The following SLC6A2 variants were observed in gnomAD, a reference collection of about 807,000 sequenced individuals.
The protein encoded by SLC6A2 is sodium-dependent noradrenaline transporter.
A neutral mutation model predicts 71.7 loss-of-function variants in SLC6A2; 26 were observed. That is an observed-to-expected ratio of 0.36 (90% CI 0.27 to 0.50). SLC6A2 has a LOEUF of 0.50. Among genes scored for constraint, SLC6A2 ranks in the 20% least tolerant of loss-of-function variants. SLC6A2 has a pLI of 0.96. For synonymous variants in SLC6A2, 363 were observed against 337.9 expected (o/e 1.07, Z -0.82); for missense variants, 581 against 803.9 (o/e 0.72, Z 3.35).
In SLC6A2 at chr16:55,677,264, G is replaced by A. The variant is rs554151149; in HGVS notation, c.644+5089G>A. ...CTGTCTTATGAACATGGTTTGGAGG[G>A]GAAGGTGGTAAAGATAGTGGAGCAG... On this transcript the variant is annotated intron_variant, in intron 4 of 14. Coordinates refer to ENST00000568943, the MANE Select transcript of SLC6A2 (RefSeq NM_001172501.3). 7.9e-5 allele frequency among the ~76,000 whole-genome samples: 12 copies of A among 152,210 alleles called. No individual in the cohort carries two copies. The East Asian group carries it at 2.3e-3, about 29-fold the overall frequency.
intron 6 of SLC6A2, among the ~76,000 whole-genome samples, chr16:55,693,156 G>A (rs1427455943): frequency 2.0e-5 from 3 of 152,218 alleles, no homozygotes; most frequent in Non-Finnish European, 4.4e-5. Context: ...GGAGGCTGAG[G>A]CGGGCGGATC....
intron 5 of SLC6A2, 90 bp downstream of exon 5, chr16:55,685,371 CA>C (rs1276584152): frequency 2.2e-6 from 3 of 1,388,964 alleles, no homozygotes; most frequent in Non-Finnish European, 3.1e-6. Flanking sequence ...AGCTGGTGGA[CA>C]AAAAAGATGG....
intron 6 of SLC6A2, among the ~76,000 whole-genome samples, 182 bp downstream of exon 6, chr16:55,692,234 C>T (rs1287670174): frequency 6.6e-6 from 1 of 152,200 alleles, no homozygotes; most frequent in East Asian, 1.9e-4. Context: ...ACCTGACAGT[C>T]TCCATAAGCC....
At chr16:55,669,742 C>A (rs374877277) in intron 3 of SLC6A2, 46 bp downstream of exon 3, 1 of 1,609,848 alleles carries the variant, frequency 6.2e-7, no homozygotes, top group Non-Finnish European at 8.5e-7. Context: ...TAAAGGCTTC[C>A]CTGTTGCCCT....
At chr16:55,675,309 G>C (rs1965050520) in intron 4 of SLC6A2, among the ~76,000 whole-genome samples, 1 of 152,162 alleles carries the variant, frequency 6.6e-6, no homozygotes. Flanking sequence ...ACAACTTGTG[G>C]GGCAGACAGG....
Position 55,704,504 on chromosome 16 carries a change from G to A in SLC6A2, c.*2158G>A, listed in dbSNP as rs564815496. The A allele has an allele frequency of 6.6e-6, 1 of 152,350 alleles. No homozygotes were observed. Among genetic ancestry groups the A allele is most frequent in the South Asian group, 2.1e-4 (1 of 4,826 alleles). The allele number at this position is 152,350 out of a possible 1,614,324, so 9.4% of individuals were successfully genotyped here. ...AAAAGAACAATGTGTTGGAGGATGG[G>A]AAGGGGCGAGAGAATGCCATTTATT... On this transcript the variant is annotated 3_prime_UTR_variant, in exon 15 of 15. Coordinates refer to ENST00000568943, the MANE Select transcript of SLC6A2 (RefSeq NM_001172501.3).
chr16:55,674,226 C>T (rs1965011706), intron 4 of SLC6A2, among the ~76,000 whole-genome samples: 1 of 151,926 alleles, frequency 6.6e-6, no homozygotes, highest in African/African-American at 2.4e-5. Context: ...TCTACTGTTC[C>T]TTTCTTTATG....
Position 55,689,926 on chromosome 16 carries a change from A to C in SLC6A2, c.784-1992A>C, listed in dbSNP as rs186328692. Among the ~76,000 whole-genome samples the C allele has an allele frequency of 1.9e-3, 282 of 152,324 alleles. 1 individual carries two copies. Among genetic ancestry groups the C allele is most frequent in the Non-Finnish European group, 2.8e-3 (192 of 68,026 alleles). ...TCCTGATTCCTTCTGAGCCCAGAAG[A>C]TGTGACTACCACTATGCATTTACTC... On this transcript the variant is annotated intron_variant, in intron 5 of 14. Coordinates refer to ENST00000568943, the MANE Select transcript of SLC6A2 (RefSeq NM_001172501.3).
chr16:55,685,122 C>T, intron 4 of SLC6A2, 21 bp from the exon 5 acceptor site: 1 of 1,613,912 alleles, frequency 6.2e-7, no homozygotes, highest in Non-Finnish European at 8.5e-7. Flanking sequence ...ACCCTGGTCC[C>T]CTCCCCTCTC....
intron 5 of SLC6A2, among the ~76,000 whole-genome samples, chr16:55,691,130 A>T (rs1161207725): frequency 6.7e-6 from 1 of 149,502 alleles, no homozygotes; most frequent in Non-Finnish European, 1.5e-5. Flanking sequence ...AGAGATAAAC[A>T]TAAGGGAGAG....
At chr16:55,692,535 C>G (rs955008700) in intron 6 of SLC6A2, among the ~76,000 whole-genome samples, 2 of 152,214 alleles carry the variant, frequency 1.3e-5, no homozygotes, top group Admixed American at 1.3e-4. Context: ...AACCACTCCC[C>G]CTGTCCAGAG....
At chr16:55,672,593 A>G (rs1289914926) in intron 4 of SLC6A2, among the ~76,000 whole-genome samples, 1 of 152,202 alleles carries the variant, frequency 6.6e-6, no homozygotes, top group Non-Finnish European at 1.5e-5. Context: ...TGACATAGGA[A>G]CTGATGATGT....
At chr16:55,699,777 G>A in intron 12 of SLC6A2, 123 bp downstream of exon 12, 2 of 761,438 alleles carry the variant, frequency 2.6e-6, no homozygotes, top group South Asian at 1.5e-5. Context: ...TGGTCATGCA[G>A]AGGGGTCACT....
In SLC6A2 at chr16:55,697,244, G is replaced by A. The variant is rs1343807075; in HGVS notation, c.1261-653G>A. Among the ~76,000 whole-genome samples, 3 of 152,174 alleles carry A rather than the reference G, an allele frequency of 2.0e-5. No homozygotes were observed. The South Asian group carries it at 6.2e-4, about 32-fold the overall frequency. On this transcript the variant is annotated intron_variant, in intron 9 of 14. Coordinates refer to ENST00000568943, the MANE Select transcript of SLC6A2 (RefSeq NM_001172501.3). ...TGAGAAGGATTTTGAGGCTGCTTCT[G>A]GGCTTATAATGAAGAATACTGATTT... is the stretch of plus-strand genomic sequence containing the variant.
Position 55,656,886 on chromosome 16 carries a change from C to A in SLC6A2, c.192C>A (p.Asp64Glu). 6.2e-7 allele frequency: 1 copy of A among 1,614,056 alleles called. No homozygotes were observed. Among genetic ancestry groups the A allele is most frequent in the Non-Finnish European group, 8.5e-7 (1 of 1,179,956 alleles). ...GGGAGACCTGGGGCAAGAAGATCGACTTCCTGCTGTCCGTAGTCGGCTTCG... is the reference window on the plus strand; with the variant it reads ...GGGAGACCTGGGGCAAGAAGATCGAATTCCTGCTGTCCGTAGTCGGCTTCG... ...QPRETWGKKI[D>E]FLLSVVGFAV... is the part of the protein sequence containing the mutation. The change falls in exon 2 of 15, where the codon GAC becomes GAA. Residue 64 changes from aspartate to glutamate, a missense_variant. Asp to Glu is a conservative substitution (Grantham distance 45). This residue lies in a region of SLC6A2 where 81 missense variants were observed against 152.4 expected (regional missense o/e 0.53). Coordinates refer to ENST00000568943, the MANE Select transcript of SLC6A2 (RefSeq NM_001172501.3). This position sits in a 1 kb window ranked among gnomAD's most constrained non-coding sequence, Gnocchi z 4.5.
At chr16:55,667,752 C>A (rs1964793884) in intron 2 of SLC6A2, among the ~76,000 whole-genome samples, 1 of 151,900 alleles carries the variant, frequency 6.6e-6, no homozygotes, top group Admixed American at 6.6e-5. Context: ...GGTCCCAGAT[C>A]CCCCATTTCA....
intron 10 of SLC6A2, among the ~76,000 whole-genome samples, 179 bp from the exon 11 acceptor site, chr16:55,698,290 T>G (rs778415018): frequency 3.3e-5 from 5 of 152,144 alleles, no homozygotes; most frequent in Admixed American, 1.3e-4. Context: ...TAACTCTTTA[T>G]TGGCTGAAAC....
At chr16:55,686,088 C>T (rs550217659) in intron 5 of SLC6A2, among the ~76,000 whole-genome samples, 8 of 152,264 alleles carry the variant, frequency 5.3e-5, no homozygotes, top group Admixed American at 3.9e-4. Flanking sequence ...CAACAAACCA[C>T]CCCAAAATGT....
chr16:55,680,655 C>T (rs968535431), intron 4 of SLC6A2, among the ~76,000 whole-genome samples: 5 of 152,184 alleles, frequency 3.3e-5, no homozygotes, highest in African/African-American at 1.2e-4. Context: ...TGGCAACACA[C>T]TCCCAGACAC....
Sources: allele counts gnomAD v4.1 joint callset (sites outside exome capture counted in the v4.1 genomes callset), GRCh38; gene constraint gnomAD v4.1.1; regional missense constraint gnomAD v4.1.1; non-coding constraint Gnocchi (gnomAD v3.1); transcripts MANE v1.5; gene names NCBI Gene and HGNC (gene_info 2026-07-23, HGNC 2026-07-21).